Variants in SPATA16 observed in about 807,000 individuals in gnomAD.
SPATA16 encodes the protein spermatogenesis-associated protein 16.
Under a neutral mutation model 63.3 loss-of-function variants are expected in SPATA16, and 36 were observed. The observed-to-expected ratio is 0.57, with a 90% CI of 0.44 to 0.75. The LOEUF is 0.75. Among genes scored for constraint, SPATA16 ranks in the 30% least tolerant of loss-of-function variants. The probability of loss-of-function intolerance (pLI) is 0.00; values close to 1 mark genes in which losing one functional copy is unlikely to be tolerated. For synonymous variants in SPATA16, 203 were observed against 216.7 expected (o/e 0.94, Z 0.56); for missense variants, 646 against 679.3 (o/e 0.95, Z 0.54).
chr3:173,056,440 C>T (rs766548717), intron 2 of SPATA16, among the ~76,000 whole-genome samples: 10 of 152,014 alleles, frequency 6.6e-5, no homozygotes, highest in Non-Finnish European at 1.2e-4. Context: ...CAGTGGCTCA[C>T]GCCTGTAATC....
At chr3:173,062,887 A>G (rs969953893) in intron 2 of SPATA16, among the ~76,000 whole-genome samples, 2 of 152,166 alleles carry the variant, frequency 1.3e-5, no homozygotes, top group Non-Finnish European at 2.9e-5. Flanking sequence ...CCTCGCATAT[A>G]CAGTTCACAA....
chr3:173,138,615 G>T lies in SPATA16; in HGVS notation c.-19+2488C>A, dbSNP rs1577195452. ...ATCTATGAAAAGAAATTGAAATCAG[G>T]AGCTGATTTCTATTCAGTAATTATA... On this transcript the variant is annotated intron_variant, in intron 1 of 10. Transcript: ENST00000351008. 2.0e-5 allele frequency among the ~76,000 whole-genome samples: 3 copies of T among 152,072 alleles called. No individual in the cohort carries two copies. In the South Asian group the frequency reaches 6.2e-4, roughly 32 times the overall value.
At chr3:172,981,990 G>A (rs916501517) in intron 4 of SPATA16, among the ~76,000 whole-genome samples, 10 of 152,158 alleles carry the variant, frequency 6.6e-5, no homozygotes, top group African/African-American at 2.4e-4. Context: ...GGCTCTACTG[G>A]AATATAAGGT....
chr3:173,088,048 T>G (rs530241129), intron 2 of SPATA16, among the ~76,000 whole-genome samples: 26 of 142,464 alleles, frequency 1.8e-4, no homozygotes, highest in East Asian at 1.3e-3. Context: ...CTTTCTTTCT[T>G]TCTTTCTTTC....
chr3:172,904,358 A>G (rs552402164), intron 10 of SPATA16, among the ~76,000 whole-genome samples: 23 of 152,184 alleles, frequency 1.5e-4, no homozygotes, highest in Non-Finnish European at 3.1e-4. Context: ...GTAATACAGT[A>G]TTTTATTAGG....
intron 8 of SPATA16, among the ~76,000 whole-genome samples, chr3:172,922,849 G>C (rs895293844): frequency 6.6e-6 from 1 of 152,124 alleles, no homozygotes; most frequent in Non-Finnish European, 1.5e-5. Context: ...TTGAACCCTG[G>C]AGGTGGAGGT....
intron 8 of SPATA16, among the ~76,000 whole-genome samples, chr3:172,921,589 G>A (rs146519824): frequency 1.4e-4 from 21 of 151,898 alleles, no homozygotes; most frequent in African/African-American, 4.8e-4. Context: ...CACAGAACAC[G>A]AGTGGAATCT....
intron 3 of SPATA16, among the ~76,000 whole-genome samples, chr3:173,022,492 G>A (rs1449635426): frequency 6.6e-6 from 1 of 152,010 alleles, no homozygotes; most frequent in Non-Finnish European, 1.5e-5. Flanking sequence ...CTTATCTTAC[G>A]CCCCTGTTAG....
chr3:173,063,877 A>G (rs974285580), intron 2 of SPATA16, among the ~76,000 whole-genome samples: 1 of 152,232 alleles, frequency 6.6e-6, no homozygotes, highest in Non-Finnish European at 1.5e-5. Context: ...GCTGAATGAA[A>G]TTTTACAAAG....
At chr3:173,023,092 A>T in intron 3 of SPATA16, among the ~76,000 whole-genome samples, 1 of 151,256 alleles carries the variant, frequency 6.6e-6, no homozygotes, top group Non-Finnish European at 1.5e-5. Context: ...GGATACTTTA[A>T]AATTTATCTT....
chr3:173,094,501 C>G (rs79833265), intron 2 of SPATA16, among the ~76,000 whole-genome samples: 14,729 of 152,082 alleles, frequency 0.097, 892 homozygotes, highest in East Asian at 0.23. Context: ...AGAGATTTCC[C>G]TAGGAAATAA....
intron 1 of SPATA16, among the ~76,000 whole-genome samples, chr3:173,138,038 A>C (rs904111341): frequency 6.6e-6 from 1 of 151,978 alleles, no homozygotes; most frequent in African/African-American, 2.4e-5. Context: ...TGCTCCTTAC[A>C]TCTTCAAGTT....
intron 2 of SPATA16, among the ~76,000 whole-genome samples, chr3:173,110,152 GACA>G (rs1333845864): frequency 6.6e-6 from 1 of 151,980 alleles, no homozygotes; most frequent in Non-Finnish European, 1.5e-5. Context: ...ATGGAACAAC[GACA>G]ACAACAATCA....
chr3:173,004,202 G>A (rs1734889213), intron 4 of SPATA16, among the ~76,000 whole-genome samples: 1 of 152,146 alleles, frequency 6.6e-6, no homozygotes, highest in Non-Finnish European at 1.5e-5. Context: ...AGAGTTTGCT[G>A]TTAGAATTTC....
At chr3:173,118,582 C>A (rs188895991) in intron 1 of SPATA16, among the ~76,000 whole-genome samples, 23 of 152,252 alleles carry the variant, frequency 1.5e-4, no homozygotes, top group Admixed American at 5.9e-4. Flanking sequence ...TGATTCCTAT[C>A]TTTTAGGACT....
At chr3:173,085,879 T>G (rs1026469100) in intron 2 of SPATA16, among the ~76,000 whole-genome samples, 9 of 152,216 alleles carry the variant, frequency 5.9e-5, no homozygotes, top group African/African-American at 2.2e-4. Context: ...TTGATCGTGG[T>G]AAATAAGCTT....
intron 3 of SPATA16, among the ~76,000 whole-genome samples, chr3:173,043,004 C>CT (rs760403253): frequency 1.3e-5 from 2 of 151,948 alleles, no homozygotes; most frequent in East Asian, 3.9e-4. Flanking sequence ...TAAAAATAGA[C>CT]TTTTATGTTT....
Position 172,916,416 on chromosome 3 carries a change from C to A in SPATA16, c.1404G>T (p.Leu468=). The A allele has an allele frequency of 6.2e-7, 1 of 1,613,898 alleles. No individual in the cohort carries two copies. ...CCTGGGACTGCTCCTTTACTCTCTG[C>A]AGCTGGCTGAGGAGGCTGGCATATT... ...KLQYASLLSQ[L]QRVKEQSQVI... Residue 468 remains leucine, a synonymous_variant, in exon 9 of 11, where the codon CTG becomes CTT. Coordinates refer to ENST00000351008, the MANE Select transcript of SPATA16 (RefSeq NM_031955.6).
At chr3:172,904,433 G>A (rs888934691) in intron 10 of SPATA16, among the ~76,000 whole-genome samples, 2 of 152,152 alleles carry the variant, frequency 1.3e-5, no homozygotes, top group East Asian at 1.9e-4. Flanking sequence ...AAAAGTGGCC[G>A]AGCTCCTGGA....
Sources: gnomAD v4.1 joint callset for allele counts (sites outside exome capture counted in the v4.1 genomes callset) on GRCh38, gnomAD v4.1.1 for gene constraint, MANE v1.5 for transcripts, NCBI Gene and HGNC (gene_info 2026-07-23, HGNC 2026-07-21) for gene names.